NGDN: variants seen among roughly 807,000 people sequenced by gnomAD.
The protein encoded by NGDN is neuroguidin.
NGDN carries 41 observed loss-of-function variants against 45.2 expected under a neutral mutation model. The ratio of observed to expected loss-of-function variants is 0.91; its 90% CI spans 0.71 to 1.18. The LOEUF (loss-of-function observed/expected upper bound fraction) is 1.18. Ranked by LOEUF, NGDN falls within the 50% of genes most tolerant of loss-of-function variation. The pLI is 0.00. For missense variants in NGDN, 402 were observed against 399.9 expected (o/e 1.01, Z -0.05); for synonymous variants, 137 against 130.9 (o/e 1.05, Z -0.32).
At chr14:23,478,350 G>C (rs960928068), downstream of NGDN, 1 of 307,446 alleles carries the variant, frequency 3.3e-6, no homozygotes, top group African/African-American at 2.2e-5. Flanking sequence ...AAAAAGTATT[G>C]AGAGACGAGG....
chr14:23,469,839 C>A, intron 1 of NGDN, 112 bp downstream of exon 1: 1 of 1,451,642 alleles, frequency 6.9e-7, no homozygotes, highest in Non-Finnish European at 9.6e-7. Flanking sequence ...AAAGTTGCTT[C>A]AGGGAGGCGG....
chr14:23,472,147 C>T (rs1315529431), intron 3 of NGDN, among the ~76,000 whole-genome samples: 2 of 144,252 alleles, frequency 1.4e-5, no homozygotes, highest in African/African-American at 5.2e-5. Flanking sequence ...GTCGCACCAT[C>T]GCACTGCAGC....
chr14:23,470,134 A>C (rs757423736), intron 2 of NGDN, 33 bp downstream of exon 2: 2 of 1,595,370 alleles, frequency 1.3e-6, no homozygotes, highest in African/African-American at 2.7e-5. Flanking sequence ...TAAATTAGTC[A>C]CGGATTGGCT....
At chr14:23,476,207 C>T in intron 7 of NGDN, 32 bp from the exon 8 acceptor site, 1 of 1,613,836 alleles carries the variant, frequency 6.2e-7, no homozygotes, top group Non-Finnish European at 8.5e-7. Flanking sequence ...TTTCTCTGTT[C>T]TTGGATAACC....
chr14:23,477,880 A>G, intron 10 of NGDN, 127 bp from the exon 11 acceptor site: 2 of 1,570,972 alleles, frequency 1.3e-6, no homozygotes, highest in Non-Finnish European at 8.6e-7. Context: ...TTGTCCTGGG[A>G]AGATATTCAG....
chr14:23,475,719 A>G lies in NGDN; in HGVS notation c.368-7A>G, dbSNP rs749088831. On this transcript the variant is annotated splice_region_variant and splice_polypyrimidine_tract_variant and intron_variant, in intron 5 of 10. Transcript: ENST00000408901. ...TTTTGTAAAATTCATTGGGTTATTT[A>G]TTTCAGGTGAGAATGACCCACTTCG... is the stretch of plus-strand genomic sequence containing the variant. The G allele has an allele frequency of 1.9e-6, 3 of 1,613,868 alleles. No homozygotes were observed. Among genetic ancestry groups the G allele is most frequent in the South Asian group, 2.2e-5 (2 of 91,078 alleles).
intron 2 of NGDN, 140 bp from the exon 3 acceptor site, chr14:23,470,766 C>G (rs552348281): frequency 1.1e-5 from 6 of 534,258 alleles, no homozygotes; most frequent in Non-Finnish European, 1.9e-5. Context: ...CTATGCTTTC[C>G]GAGAAGTGAG....
In NGDN at chr14:23,474,793, A is replaced by G. The variant is rs138349667; in HGVS notation, c.145-378A>G. Among the ~76,000 whole-genome samples, 373 of 152,342 alleles carry G rather than the reference A, an allele frequency of 2.4e-3. 1 individual carries two copies. The highest frequency in any genetic ancestry group is 0.017 in the Middle Eastern group (5 of 294). On this transcript the variant is annotated intron_variant, in intron 3 of 10. Coordinates refer to ENST00000408901, the MANE Select transcript of NGDN (RefSeq NM_001042635.2). ...TTGATTGTTAGAGCTTGGAGGGGCCATCCGTGGGAAGAGGCCAAGGATGCT... is the reference window on the plus strand; with the variant it reads ...TTGATTGTTAGAGCTTGGAGGGGCCGTCCGTGGGAAGAGGCCAAGGATGCT...
chr14:23,476,545 C>A (rs1893909204), intron 8 of NGDN, 138 bp downstream of exon 8: 2 of 908,368 alleles, frequency 2.2e-6, no homozygotes, highest in Non-Finnish European at 3.2e-6. Context: ...ATGATAGTTT[C>A]TAAGAATCAG....
intron 3 of NGDN, among the ~76,000 whole-genome samples, chr14:23,472,024 T>A (rs1415808762): frequency 1.3e-5 from 2 of 149,854 alleles, no homozygotes; most frequent in East Asian, 4.0e-4. Context: ...GACCTATCTC[T>A]ATAAAAAAAA....
Position 23,476,404 on chromosome 14 carries a change from A to G in NGDN, c.710A>G (p.His237Arg). The G allele has an allele frequency of 1.2e-6, 2 of 1,610,704 alleles. No individual in the cohort carries two copies. Among genetic ancestry groups the G allele is most frequent in the Non-Finnish European group, 1.7e-6 (2 of 1,179,266 alleles). Residue 237 changes from histidine (H) to arginine (R), a missense_variant, in exon 8 of 11, where the codon CAC (histidine) becomes CGC (arginine). Coordinates refer to ENST00000408901, the MANE Select transcript of NGDN (RefSeq NM_001042635.2). ...ACCCGCCAGAGTCAGGAGGACCAACACAGGTCTGAGCCCTTGCATTAGAAA... is the reference window on the plus strand; with the variant it reads ...ACCCGCCAGAGTCAGGAGGACCAACGCAGGTCTGAGCCCTTGCATTAGAAA... ...HVTRQSQEDQ[H>R]RINYEESMMV...
chr14:23,477,051 A>G, intron 8 of NGDN, 149 bp from the exon 9 acceptor site: 1 of 673,580 alleles, frequency 1.5e-6, no homozygotes, highest in South Asian at 1.9e-5. Flanking sequence ...AGCATTCAAT[A>G]TGTCCTTACT....
At chr14:23,477,383 G>T in intron 9 of NGDN, 27 bp downstream of exon 9, 1 of 1,613,556 alleles carries the variant, frequency 6.2e-7, no homozygotes, top group Non-Finnish European at 8.5e-7. Flanking sequence ...GTTGTAGTAG[G>T]ATGTGACTTT....
chr14:23,472,392 C>G (rs1040175817), intron 3 of NGDN, among the ~76,000 whole-genome samples: 1 of 151,814 alleles, frequency 6.6e-6, no homozygotes, highest in Non-Finnish European at 1.5e-5. Flanking sequence ...CCCGGTTACT[C>G]GGGAGGCTGA....
intron 8 of NGDN, among the ~76,000 whole-genome samples, chr14:23,476,612 A>G (rs115975825): frequency 7.8e-4 from 119 of 152,330 alleles, no homozygotes; most frequent in African/African-American, 2.8e-3. Context: ...GTTTAGTTCA[A>G]AGCAAAAGCA....
At chr14:23,473,781 C>G (rs1893837079) in intron 3 of NGDN, among the ~76,000 whole-genome samples, 1 of 152,124 alleles carries the variant, frequency 6.6e-6, no homozygotes. Flanking sequence ...TTTCTGTAAG[C>G]ACAAATCTGC....
chr14:23,477,518 A>G lies in NGDN; in HGVS notation c.886A>G (p.Lys296Glu), dbSNP rs1893931882. ...CTGTCTCCAGGATCAGAATCCTATT[A>G]AGAAGCGGAAGAAGATACCTCAGAA... ...VHLDEDQNPI[K>E]KRKKIPQKGR... Residue 296 changes from lysine (K) to glutamate (E), a missense_variant, in exon 10 of 11, where the codon AAG becomes GAG. By Grantham distance (56) the Lys-to-Glu change is moderately conservative. Coordinates refer to ENST00000408901, the MANE Select transcript of NGDN (RefSeq NM_001042635.2). 6.2e-7 allele frequency: 1 copy of G among 1,614,012 alleles called. No homozygotes were observed. Among genetic ancestry groups the G allele is most frequent in the African/African-American group, 1.3e-5 (1 of 74,922 alleles).
Position 23,475,729 on chromosome 14 carries a change from A to G in NGDN, c.371A>G (p.Glu124Gly). The change falls in exon 6 of 11, where the codon GAG (glutamate) becomes GGG (glycine). Residue 124 changes from glutamate (E) to glycine (G), a missense_variant. Glu to Gly is a moderately conservative substitution (Grantham distance 98). Transcript: ENST00000408901. ...TTCATTGGGTTATTTATTTCAGGTG[A>G]GAATGACCCACTTCGTTTTAAGCCT... is the stretch of plus-strand genomic sequence containing the variant. ...IKTAVTGSLS[E>G]NDPLRFKPHP... 6.2e-7 allele frequency: 1 copy of G among 1,613,874 alleles called. No homozygotes were observed. The highest frequency in any genetic ancestry group is 1.3e-5 in the African/African-American group (1 of 75,058).
At chr14:23,477,459 T>C (rs771853255) in intron 9 of NGDN, 44 bp from the exon 10 acceptor site, 1 of 1,613,688 alleles carries the variant, frequency 6.2e-7, no homozygotes, top group Non-Finnish European at 8.5e-7. Flanking sequence ...ATGCTGGCTC[T>C]CAGAACCACA....
Sources: gnomAD v4.1 joint callset for allele counts (sites outside exome capture counted in the v4.1 genomes callset) on GRCh38, gnomAD v4.1.1 for gene constraint, MANE v1.5 for transcripts, NCBI Gene and HGNC (gene_info 2026-07-23, HGNC 2026-07-21) for gene names.